MATK: variants seen among roughly 807,000 people sequenced by gnomAD.
MATK encodes the protein megakaryocyte-associated tyrosine kinase.
Under a neutral mutation model 59.8 loss-of-function variants are expected in MATK, and 41 were observed. The observed-to-expected ratio is 0.69, with a 90% CI of 0.53 to 0.89. The LOEUF (loss-of-function observed/expected upper bound fraction) is 0.89. MATK is among the 40% of genes least tolerant of loss of function. The pLI is 0.00. For synonymous variants in MATK, 308 were observed against 306.1 expected, an observed-to-expected ratio of 1.01 and a Z score of -0.06; for missense variants, 593 against 719.6, an observed-to-expected ratio of 0.82 and a Z score of 2.01.
At chr19:3,788,656 T>G (rs2145108625), upstream of MATK, among the ~76,000 whole-genome samples, 2 of 148,300 alleles carry the variant, frequency 1.3e-5, no homozygotes, top group East Asian at 2.0e-4. Flanking sequence ...AGATGGGATC[T>G]GGCTATGTTG....
chr19:3,784,680 G>A, intron 3 of MATK, 145 bp downstream of exon 3: 1 of 723,002 alleles, frequency 1.4e-6, no homozygotes, highest in African/African-American at 1.8e-5. Context: ...AGGTCAGGAA[G>A]CCAAGATGAC....
rs201270076 is a variant in MATK, at chr19:3,778,982, C to A, written c.1197+10G>T. On this transcript the variant is annotated intron_variant, in intron 12 of 13. Transcript: ENST00000310132. ...CCAAAGCCCCAGGGGTATGTGAAGGCAGGGCTCACCCCGTGTTTGAGAGCC... is the reference window on the plus strand; with the variant it reads ...CCAAAGCCCCAGGGGTATGTGAAGGAAGGGCTCACCCCGTGTTTGAGAGCC... 645 of 1,537,914 alleles carry A rather than the reference C, an allele frequency of 4.2e-4. 1 individual carries two copies. Among genetic ancestry groups the A allele is most frequent in the Non-Finnish European group, 5.2e-4 (591 of 1,147,450 alleles).
Position 3,784,147 on chromosome 19 carries a change from T to C in MATK, c.339A>G (p.Ala113=). Residue 113 remains alanine (A), a synonymous_variant, in exon 5 of 14, where the codon GCA becomes GCG. Coordinates refer to ENST00000310132, the MANE Select transcript of MATK (RefSeq NM_139355.3). ...GALREREALS[A]DPKLSLMPWF... The stretch of plus-strand genomic sequence containing the variant: ...ACGGCATGAGGCTGAGCTTGGGGTC[T>C]GCGGAGAGGGCCTCCCGCTCCCGCA... 2 of 1,612,416 alleles carry C rather than the reference T, an allele frequency of 1.2e-6. No individual in the cohort carries two copies. The highest frequency in any genetic ancestry group is 1.7e-6 in the Non-Finnish European group (2 of 1,179,168).
chr19:3,795,751 CTTTTTTTTT>C (rs530367941), intron 1 of MATK, among the ~76,000 whole-genome samples: 2,554 of 54,444 alleles, frequency 0.047, 34 homozygotes, highest in African/African-American at 0.18. Flanking sequence ...TAAGTAGGTG[CTTTTTTTTT>C]TTTTTTTTTT....
Position 3,779,118 on chromosome 19 carries a change from G to A in MATK, c.1071C>T (p.Asn357=). Reference sequence around the variant, plus strand: ...CCACCAGGTCCTCTGAGACCAGGATGTTGCGGGCGGCCAGGTCGCGGTGCA... The same window carrying A: ...CCACCAGGTCCTCTGAGACCAGGATATTGCGGGCGGCCAGGTCGCGGTGCA... ...KLVHRDLAAR[N]ILVSEDLVAK... Residue 357 remains asparagine (N), a synonymous_variant, in exon 12 of 14, where the codon AAC becomes AAT. Transcript: ENST00000310132. 2 of 1,610,180 alleles carry A rather than the reference G, an allele frequency of 1.2e-6. No homozygotes were observed. The highest frequency in any genetic ancestry group is 1.7e-6 in the Non-Finnish European group (2 of 1,179,238).
In MATK at chr19:3,784,162, C is replaced by T. The variant is rs199552868; in HGVS notation, c.324G>A (p.Arg108=). The T allele has an allele frequency of 1.4e-5, 22 of 1,613,234 alleles. No individual in the cohort carries two copies. Among genetic ancestry groups the T allele is most frequent in the African/African-American group, 2.7e-5 (2 of 75,050 alleles). ...GLLAAGALRE[R]EALSADPKLS... ...GCTTGGGGTCTGCGGAGAGGGCCTC[C>T]CGCTCCCGCAGCGCCCCAGCTGCCA... is the stretch of plus-strand genomic sequence containing the variant. The change falls in exon 5 of 14, where the codon CGG becomes CGA. Residue 108 remains arginine (R), a synonymous_variant. Coordinates refer to ENST00000310132, the MANE Select transcript of MATK (RefSeq NM_139355.3).
chr19:3,790,550 A>G (rs2037530960), upstream of MATK, among the ~76,000 whole-genome samples: 1 of 152,170 alleles, frequency 6.6e-6, no homozygotes, highest in African/African-American at 2.4e-5. Flanking sequence ...TAAAATGCTC[A>G]GCCTGGCATC....
At position 3,777,974 on chromosome 19, in the gene MATK, T is replaced by G; in HGVS notation, c.*209A>C. 6.6e-6 allele frequency: 4 copies of G among 608,146 alleles called. No homozygotes were observed. Among genetic ancestry groups the G allele is most frequent in the South Asian group, 5.5e-5 (2 of 36,364 alleles). 37.7% of individuals were successfully genotyped at this position (608,146 alleles called of 1,614,324 possible). On this transcript the variant is annotated 3_prime_UTR_variant, in exon 14 of 14. Transcript: ENST00000310132. ...CACAGAGACACACAGGCGCCTAGAG[T>G]CCTTAGAATCCGTCTTTATCGGGCG...
At chr19:3,791,940 T>C (rs1464624960) in intron 1 of MATK, among the ~76,000 whole-genome samples, 2 of 152,034 alleles carry the variant, frequency 1.3e-5, no homozygotes, top group Non-Finnish European at 2.9e-5. Flanking sequence ...AAACCCCGTC[T>C]CTACTAAAAA....
At chr19:3,779,241 G>A (rs1599193433) in intron 11 of MATK, 54 bp from the exon 12 acceptor site, 33 of 1,547,226 alleles carry the variant, frequency 2.1e-5, no homozygotes, top group Non-Finnish European at 2.9e-5. Context: ...CCACATTCAG[G>A]GCTCAGAAAG....
intron 1 of MATK, among the ~76,000 whole-genome samples, chr19:3,796,896 T>G (rs1206314148): frequency 6.6e-6 from 1 of 152,210 alleles, no homozygotes; most frequent in Non-Finnish European, 1.5e-5. Flanking sequence ...CTTCTAGTCT[T>G]GGGCAGCTGA....
upstream of MATK, among the ~76,000 whole-genome samples, chr19:3,787,281 T>C (rs549147943): frequency 2.0e-5 from 3 of 149,588 alleles, no homozygotes; most frequent in Admixed American, 6.7e-5. Flanking sequence ...CACAGGGTAA[T>C]TTTTTTTTTC....
At chr19:3,790,837 T>TG (rs2037534218), upstream of MATK, among the ~76,000 whole-genome samples, 4 of 152,130 alleles carry the variant, frequency 2.6e-5, no homozygotes, top group Admixed American at 2.6e-4. Context: ...AAGGGCCCCT[T>TG]GCTAGAGGCA....
At chr19:3,786,391 TC>T, upstream of MATK, 1 of 980,332 alleles carries the variant, frequency 1.0e-6, no homozygotes, top group African/African-American at 1.8e-5. This position sits in a 1 kb window ranked among gnomAD's most constrained non-coding sequence, Gnocchi z 4.1. Context: ...TGCGGTCTCC[TC>T]CGCGCGCCGC....
Position 3,779,716 on chromosome 19 carries a change from T to TCCAG in MATK, c.820_823dup (p.Asp275AlafsTer154). Reference sequence around the variant, plus strand: ...GACTCACGTCATGACGGCCGTCTCGTCCAGGAAGGCCTGGGCTGTCACATC... The same window carrying TCCAG: ...GACTCACGTCATGACGGCCGTCTCGTCCAGCCAGGAAGGCCTGGGCTGTCACATC... On this transcript the variant is annotated frameshift_variant, in exon 9 of 14. Coordinates refer to ENST00000310132, the MANE Select transcript of MATK (RefSeq NM_139355.3). LOFTEE classifies it high-confidence loss of function. 1 of 1,613,000 alleles carries TCCAG rather than the reference T, an allele frequency of 6.2e-7. No homozygotes were observed. Among genetic ancestry groups the TCCAG allele is most frequent in the East Asian group, 2.2e-5 (1 of 44,866 alleles).
At position 3,785,150 on chromosome 19, in the gene MATK, A is replaced by G; in HGVS notation, c.-15T>C. On this transcript the variant is annotated 5_prime_UTR_variant, in exon 2 of 14. Coordinates refer to ENST00000310132, the MANE Select transcript of MATK (RefSeq NM_139355.3). Reference sequence around the variant, plus strand: ...CGCCCCGCCATCGCCCCCAGAGGGAAACTGAGGCAGGTGAGAGGCACACTG... The same window carrying G: ...CGCCCCGCCATCGCCCCCAGAGGGAGACTGAGGCAGGTGAGAGGCACACTG... The G allele has an allele frequency of 6.2e-7, 1 of 1,613,920 alleles. No individual in the cohort carries two copies. Among genetic ancestry groups the G allele is most frequent in the African/African-American group, 1.3e-5 (1 of 75,014 alleles).
Position 3,783,934 on chromosome 19 carries a change from G to T in MATK, c.462C>A (p.Gly154=). The change falls in exon 6 of 14, where the codon GGC becomes GGA. Residue 154 remains glycine (G), a synonymous_variant. Coordinates refer to ENST00000310132, the MANE Select transcript of MATK (RefSeq NM_139355.3). The part of the protein sequence containing the change: ...FLVRESARHP[G]DYVLCVSFGR... The stretch of plus-strand genomic sequence containing the variant: ...CAAAGCTCACGCACAGGACGTAGTC[G>T]CCGGGGTGGCGCGCGGACTCCCGCA... 6.2e-7 allele frequency: 1 copy of T among 1,612,670 alleles called. No homozygotes were observed. The highest frequency in any genetic ancestry group is 8.5e-7 in the Non-Finnish European group (1 of 1,179,804).
upstream of MATK, among the ~76,000 whole-genome samples, chr19:3,788,085 ATAT>A (rs1166496236): frequency 7.8e-5 from 11 of 140,624 alleles, no homozygotes; most frequent in African/African-American, 2.6e-4. Flanking sequence ...TATATATATT[ATAT>A]TATTAATATT....
At chr19:3,778,461 C>T (rs1391933577) in intron 13 of MATK, 39 bp from the exon 14 acceptor site, 12 of 1,613,668 alleles carry the variant, frequency 7.4e-6, no homozygotes, top group Non-Finnish European at 1.0e-5. Context: ...AGGGCCACAG[C>T]CTCTGGACCT....
Sources: gnomAD v4.1 joint callset for allele counts (sites outside exome capture counted in the v4.1 genomes callset) on GRCh38, gnomAD v4.1.1 for gene constraint, Gnocchi (gnomAD v3.1) non-coding constraint, MANE v1.5 for transcripts, NCBI Gene and HGNC (gene_info 2026-07-23, HGNC 2026-07-21) for gene names.